Variants in STK32A observed in about 807,000 individuals in gnomAD.
STK32A encodes the protein serine/threonine kinase 32A.
A neutral mutation model predicts 53.2 loss-of-function variants in STK32A; 41 were observed. That is an observed-to-expected ratio of 0.77 (90% CI 0.60 to 1.00). STK32A has a LOEUF of 1.00. Ranked by LOEUF, STK32A falls within the 50% of genes least tolerant of loss-of-function variation. The pLI is 0.00. For synonymous variants in STK32A, 166 were observed against 162.8 expected (o/e 1.02, Z -0.15); for missense variants, 458 against 485.8 (o/e 0.94, Z 0.54).
In STK32A at chr5:147,343,048, G is replaced by A. The variant is rs1013319938; in HGVS notation, c.472+5G>A. ...ATATTTTACTTGACGAACATGGTAA[G>A]TGAGTGATTTGTTTGCAATCAAGTA... On this transcript the variant is annotated splice_donor_5th_base_variant and intron_variant, in intron 6 of 12. Transcript: ENST00000397936. 1.9e-6 allele frequency: 3 copies of A among 1,613,148 alleles called. No homozygotes were observed. Among genetic ancestry groups the A allele is most frequent in the Admixed American group, 1.7e-5 (1 of 59,978 alleles).
chr5:147,254,887 C>G (rs140899446), intron 2 of STK32A, among the ~76,000 whole-genome samples: 5,715 of 152,146 alleles, frequency 0.038, 380 homozygotes, highest in African/African-American at 0.13. Context: ...CGCCTGTAAT[C>G]CCAGCACTTT....
intron 4 of STK32A, among the ~76,000 whole-genome samples, chr5:147,304,714 T>A (rs892460486): frequency 6.6e-6 from 1 of 151,886 alleles, no homozygotes; most frequent in South Asian, 2.1e-4. Context: ...GTCAGGGGAG[T>A]CTGCCATCCT....
intron 10 of STK32A, among the ~76,000 whole-genome samples, chr5:147,374,595 G>A (rs971301541): frequency 2.0e-5 from 3 of 152,166 alleles, no homozygotes; most frequent in East Asian, 1.9e-4. Context: ...TATGTGTTGC[G>A]TCCCTGCAAT....
chr5:147,263,144 C>T (rs1754658487), intron 2 of STK32A, among the ~76,000 whole-genome samples: 1 of 152,210 alleles, frequency 6.6e-6, no homozygotes, highest in South Asian at 2.1e-4. Flanking sequence ...CACCCAGCCT[C>T]CTCTTCCCAC....
chr5:147,265,063 A>C (rs1284819491), intron 2 of STK32A, among the ~76,000 whole-genome samples: 3 of 149,934 alleles, frequency 2.0e-5, no homozygotes, highest in African/African-American at 7.3e-5. Context: ...TGTATTTTTT[A>C]TACTGATAGC....
At chr5:147,262,853 T>A (rs148538305) in intron 2 of STK32A, among the ~76,000 whole-genome samples, 1 of 152,292 alleles carries the variant, frequency 6.6e-6, no homozygotes, top group Non-Finnish European at 1.5e-5. Flanking sequence ...ACCAGACCCA[T>A]GCCGTAGAAC....
the STK32A span, chr5:147,401,526 A>C: frequency 1.2e-6 from 2 of 1,602,020 alleles, no homozygotes; most frequent in Non-Finnish European, 8.5e-7. Flanking sequence ...GCTGCTGGGC[A>C]TTCCTGCACC....
chr5:147,263,719 A>G (rs1754684842), intron 2 of STK32A, among the ~76,000 whole-genome samples: 2 of 152,152 alleles, frequency 1.3e-5, no homozygotes, highest in African/African-American at 4.8e-5. Flanking sequence ...AAGAACATTT[A>G]ATGGCCAGGT....
intron 7 of STK32A, among the ~76,000 whole-genome samples, chr5:147,358,373 G>T (rs1756351487): frequency 6.6e-6 from 1 of 152,046 alleles, no homozygotes; most frequent in Non-Finnish European, 1.5e-5. Flanking sequence ...AAATAGTTTG[G>T]AGTTCTGTGG....
intron 1 of STK32A, among the ~76,000 whole-genome samples, chr5:147,236,723 T>G (rs764600149): frequency 1.3e-5 from 2 of 152,292 alleles, no homozygotes; most frequent in Middle Eastern, 3.4e-3. Flanking sequence ...TAAAAATCAC[T>G]TGGTCCGTGG....
intron 2 of STK32A, among the ~76,000 whole-genome samples, chr5:147,241,436 G>C (rs2151938207): frequency 6.6e-6 from 1 of 152,234 alleles, no homozygotes. Context: ...CCGAGAACCG[G>C]CCACTGCACT....
At chr5:147,301,242 G>A (rs1043084365) in intron 4 of STK32A, among the ~76,000 whole-genome samples, 2 of 152,148 alleles carry the variant, frequency 1.3e-5, no homozygotes, top group African/African-American at 4.8e-5. Flanking sequence ...GTGGTTGGGA[G>A]ATCTGATCAT....
chr5:147,356,133 GAA>G (rs1756227856), intron 7 of STK32A, among the ~76,000 whole-genome samples: 1 of 151,098 alleles, frequency 6.6e-6, no homozygotes, highest in Non-Finnish European at 1.5e-5. Flanking sequence ...CAGAGAGAGA[GAA>G]AGTGATGTGT....
chr5:147,398,440 C>T, the STK32A span, among the ~76,000 whole-genome samples: 5 of 152,264 alleles, frequency 3.3e-5, no homozygotes, highest in South Asian at 4.2e-4. Flanking sequence ...ATCTATAAAA[C>T]GGAGGATAAT....
At chr5:147,394,900 A>G in the STK32A span, among the ~76,000 whole-genome samples, 1 of 151,870 alleles carries the variant, frequency 6.6e-6, no homozygotes, top group Non-Finnish European at 1.5e-5. Flanking sequence ...TTGTTATCTT[A>G]CTTCCTTCAC....
chr5:147,295,961 G>A (rs184543833), intron 4 of STK32A, among the ~76,000 whole-genome samples: 1 of 152,338 alleles, frequency 6.6e-6, no homozygotes, highest in Non-Finnish European at 1.5e-5. Flanking sequence ...CTTAAGTAAA[G>A]GTAGGACTTG....
At chr5:147,392,888 C>T in the STK32A span, 1 of 152,174 alleles carries the variant, frequency 6.6e-6, no homozygotes, top group Non-Finnish European at 1.5e-5. Flanking sequence ...TTTCCCAGTT[C>T]CCCACTTGAC....
At position 147,272,323 on chromosome 5, in the gene STK32A, C is replaced by T. The variant is rs570867013; in HGVS notation, c.53-5801C>T. On this transcript the variant is annotated intron_variant, in intron 2 of 12. Transcript: ENST00000397936. ...AACTCCTGACCTCTGGTCATCCACC[C>T]GCCTCAGCCTCCCAAAGTGCTGGGA... Among the ~76,000 whole-genome samples, 26 of 152,288 alleles carry T rather than the reference C, an allele frequency of 1.7e-4. No individual in the cohort carries two copies. In the East Asian group the frequency reaches 3.9e-3, roughly 23 times the overall value.
intron 4 of STK32A, among the ~76,000 whole-genome samples, chr5:147,308,445 A>G (rs1753529648): frequency 6.6e-6 from 1 of 152,098 alleles, no homozygotes; most frequent in African/African-American, 2.4e-5. Flanking sequence ...GTTGTCCCAT[A>G]GGTTTTCTTG....
Sources: gnomAD v4.1 joint callset for allele counts (sites outside exome capture counted in the v4.1 genomes callset) on GRCh38, gnomAD v4.1.1 for gene constraint, MANE v1.5 for transcripts, NCBI Gene and HGNC (gene_info 2026-07-23, HGNC 2026-07-21) for gene names.